The following EFCAB6 variants were observed in gnomAD, a reference collection of about 807,000 sequenced individuals.
The protein encoded by EFCAB6 is EF-hand calcium binding domain 6, also known as EF-hand calcium-binding domain-containing protein 6.
EFCAB6 carries 156 observed loss-of-function variants against 169.8 expected under a neutral mutation model. The ratio of observed to expected loss-of-function variants is 0.92; its 90% CI spans 0.81 to 1.05. The LOEUF (loss-of-function observed/expected upper bound fraction) is 1.05, where lower values mean the gene tolerates loss of function less well. Ranked by LOEUF, EFCAB6 falls within the 50% of genes least tolerant of loss-of-function variation. The pLI is 0.00. For missense variants in EFCAB6, 1,800 were observed against 1,829.1 expected (o/e 0.98, Z 0.29); for synonymous variants, 698 against 676.4 (o/e 1.03, Z -0.50).
At chr22:43,593,885 G>A (rs901286449) in intron 23 of EFCAB6, among the ~76,000 whole-genome samples, 2 of 152,214 alleles carry the variant, frequency 1.3e-5, no homozygotes, top group African/African-American at 2.4e-5. Flanking sequence ...GTGTGGATGG[G>A]AGACGAAGGA....
At chr22:43,678,329 CTGTGTGTGTGTG>C (rs137787) in intron 12 of EFCAB6, among the ~76,000 whole-genome samples, 166 bp from the exon 13 acceptor site, 14 of 144,252 alleles carry the variant, frequency 9.7e-5, no homozygotes, top group East Asian at 2.1e-4. Context: ...AACATGAGCA[CTGTGTGTGTGTG>C]TGTGTGTGTG....
In EFCAB6 at chr22:43,642,968, A is replaced by T. The variant is rs556016998; in HGVS notation, c.1984-7752T>A. On this transcript the variant is annotated intron_variant, in intron 17 of 31. Transcript: ENST00000262726. Reference sequence around the variant, plus strand: ...AGAAGCCCCTTGCAGGAAAACAGTGACAGCCACGGTGTGCCTGATTACAGG... The same window carrying T: ...AGAAGCCCCTTGCAGGAAAACAGTGTCAGCCACGGTGTGCCTGATTACAGG... Among the ~76,000 whole-genome samples the T allele has an allele frequency of 7.9e-5, 12 of 152,322 alleles. No homozygotes were observed. In the East Asian group the frequency reaches 2.3e-3, roughly 29 times the overall value.
At chr22:43,712,916 TATAGAA>T (rs1303955360) in intron 9 of EFCAB6, among the ~76,000 whole-genome samples, 3 of 152,158 alleles carry the variant, frequency 2.0e-5, no homozygotes, top group African/African-American at 7.2e-5. Context: ...TTACTGTTTA[TATAGAA>T]AGTACAAGCC....
intron 10 of EFCAB6, among the ~76,000 whole-genome samples, chr22:43,699,029 G>A (rs771283090): frequency 1.3e-5 from 2 of 152,158 alleles, no homozygotes; most frequent in Non-Finnish European, 2.9e-5. Flanking sequence ...GCAGGACTTT[G>A]AGTAACTCCT....
intron 23 of EFCAB6, among the ~76,000 whole-genome samples, chr22:43,597,740 A>G (rs1327858965): frequency 1.3e-5 from 2 of 152,214 alleles, no homozygotes; most frequent in Non-Finnish European, 2.9e-5. Flanking sequence ...ACTGCTGGGT[A>G]TATATTCAAA....
At chr22:43,650,327 G>T (rs1184224928) in intron 17 of EFCAB6, among the ~76,000 whole-genome samples, 1 of 152,160 alleles carries the variant, frequency 6.6e-6, no homozygotes, top group Non-Finnish European at 1.5e-5. Flanking sequence ...CAAGAGATCT[G>T]ACGGTTTTAA....
At chr22:43,778,268 C>T (rs1012357148) in intron 3 of EFCAB6, among the ~76,000 whole-genome samples, 1 of 152,214 alleles carries the variant, frequency 6.6e-6, no homozygotes, top group African/African-American at 2.4e-5. Flanking sequence ...GGTCTGCGCT[C>T]ACCCTCTTGG....
At chr22:43,649,743 T>A (rs1296122716) in intron 17 of EFCAB6, among the ~76,000 whole-genome samples, 1 of 151,950 alleles carries the variant, frequency 6.6e-6, no homozygotes, top group East Asian at 1.9e-4. Flanking sequence ...AAACACCTGT[T>A]TGAAGCATAA....
Position 43,537,611 on chromosome 22 carries a change from C to G in EFCAB6, c.3880-66G>C. On this transcript the variant is annotated intron_variant, in intron 28 of 31. Coordinates refer to ENST00000262726, the MANE Select transcript of EFCAB6 (RefSeq NM_022785.4). This position sits in a 1 kb window ranked among gnomAD's most constrained non-coding sequence, Gnocchi z 4.3. ...TTAAAACGGAAGTCATCAAAAATAC[C>G]TCAATACCTCCAGTTTTGAGGTTCA... 6.6e-7 allele frequency: 1 copy of G among 1,523,196 alleles called. No individual in the cohort carries two copies. The highest frequency in any genetic ancestry group is 1.3e-5 in the South Asian group (1 of 79,668). The allele number at this position is 1,523,196 out of a possible 1,614,324, so 94.4% of individuals were successfully genotyped here.
chr22:43,784,670 CATATAT>C lies in EFCAB6; in HGVS notation c.-7-2351_-7-2346del, dbSNP rs201662478. The stretch of plus-strand genomic sequence containing the variant: ...ATATATATGTGTATATATACATATA[CATATAT>C]ACACACACACACACACACACACACA... On this transcript the variant is annotated intron_variant, in intron 2 of 31. Transcript: ENST00000262726. 9.5e-3 allele frequency among the ~76,000 whole-genome samples: 528 copies of C among 55,552 alleles called. 15 individuals are homozygous for C. The highest frequency in any genetic ancestry group is 0.028 in the African/African-American group (485 of 17,402). The allele number at this position is 55,552 out of a possible 152,430, so 36.4% of individuals were successfully genotyped here.
intron 17 of EFCAB6, among the ~76,000 whole-genome samples, chr22:43,645,104 T>C (rs1000774185): frequency 1.3e-5 from 2 of 152,216 alleles, no homozygotes; most frequent in Non-Finnish European, 2.9e-5. Flanking sequence ...ATGGCTCCTG[T>C]ATCACATACG....
chr22:43,579,311 C>T (rs1206977076), intron 25 of EFCAB6, among the ~76,000 whole-genome samples: 1 of 150,620 alleles, frequency 6.6e-6, no homozygotes, highest in African/African-American at 2.5e-5. Flanking sequence ...TACAGATAGG[C>T]ATCATTCTCT....
intron 5 of EFCAB6, among the ~76,000 whole-genome samples, chr22:43,760,183 G>A (rs1485576272): frequency 8.5e-6 from 1 of 117,810 alleles, no homozygotes; most frequent in Non-Finnish European, 1.6e-5. Context: ...CAGCCTGGGT[G>A]ACACAGCAAG....
At chr22:43,590,304 A>T in intron 23 of EFCAB6, 75 bp from the exon 24 acceptor site, 1 of 1,531,072 alleles carries the variant, frequency 6.5e-7, no homozygotes, top group Non-Finnish European at 8.8e-7. Context: ...ACACTGCATG[A>T]TTATTCTAAT....
In EFCAB6 at chr22:43,528,984, C is replaced by CA. The variant is rs962072225; in HGVS notation, c.4384-10dup. 10 of 1,568,482 alleles carry CA rather than the reference C, an allele frequency of 6.4e-6. No homozygotes were observed. The African/African-American group carries it at 1.3e-4, about 21-fold the overall frequency. ...CTGTACTGTCTCAGGACCTGGAAGA[C>CA]AGAGAAAAGGGGCCTCTGAGGCTTG... On this transcript the variant is annotated splice_polypyrimidine_tract_variant and intron_variant, in intron 31 of 31. Coordinates refer to ENST00000262726, the MANE Select transcript of EFCAB6 (RefSeq NM_022785.4).
intron 2 of EFCAB6, among the ~76,000 whole-genome samples, chr22:43,791,637 A>G (rs2062293674): frequency 6.6e-6 from 1 of 152,092 alleles, no homozygotes; most frequent in African/African-American, 2.4e-5. Context: ...CACCGTAATA[A>G]GGGCTTCGGT....
chr22:43,654,400 C>T (rs1194579231), intron 17 of EFCAB6, among the ~76,000 whole-genome samples: 1 of 152,170 alleles, frequency 6.6e-6, no homozygotes, highest in Non-Finnish European at 1.5e-5. Context: ...TGCCAGGTGA[C>T]AAAGTCAGGT....
At chr22:43,736,940 C>T (rs1433597934) in intron 6 of EFCAB6, among the ~76,000 whole-genome samples, 1 of 152,016 alleles carries the variant, frequency 6.6e-6, no homozygotes, top group Non-Finnish European at 1.5e-5. Context: ...ACAGCCTTGA[C>T]CCACTGGGCC....
intron 6 of EFCAB6, among the ~76,000 whole-genome samples, chr22:43,742,493 T>C (rs1360726586): frequency 6.6e-6 from 1 of 152,176 alleles, no homozygotes; most frequent in Admixed American, 6.5e-5. Context: ...TTCAGGAGAG[T>C]TCTTTGTGCA....
Sources: allele counts gnomAD v4.1 joint callset (sites outside exome capture counted in the v4.1 genomes callset), GRCh38; gene constraint gnomAD v4.1.1; non-coding constraint Gnocchi (gnomAD v3.1); transcripts MANE v1.5; gene names NCBI Gene and HGNC (gene_info 2026-07-23, HGNC 2026-07-21).